Variants in TENM3 observed in about 807,000 individuals in gnomAD.
TENM3 encodes teneurin transmembrane protein 3, also known as teneurin-3.
TENM3 carries 63 observed loss-of-function variants against 255.1 expected under a neutral mutation model. The observed-to-expected ratio is 0.25, with a 90% CI of 0.20 to 0.30. TENM3 has a LOEUF of 0.30. Ranked by LOEUF, TENM3 falls within the 10% of genes least tolerant of loss-of-function variation. The pLI is 1.00. For synonymous variants in TENM3, 1,306 were observed against 1,322.3 expected, an observed-to-expected ratio of 0.99 and a Z score of 0.27; for missense variants, 2,929 against 3,461.1, an observed-to-expected ratio of 0.85 and a Z score of 3.86.
intron 24 of TENM3, among the ~76,000 whole-genome samples, chr4:182,787,299 G>C (rs997427203): frequency 6.6e-6 from 1 of 152,214 alleles, no homozygotes; most frequent in African/African-American, 2.4e-5. Context: ...GGGGTTGAAA[G>C]CCAAGGTCAG....
chr4:181,564,628 C>G, the TENM3 span, among the ~76,000 whole-genome samples: 4,358 of 152,258 alleles, frequency 0.029, 66 homozygotes, highest in Non-Finnish European at 0.044. Flanking sequence ...TTCGTCAAAA[C>G]ATCCTCCTTC....
the TENM3 span, among the ~76,000 whole-genome samples, chr4:181,610,143 G>T: frequency 6.6e-6 from 1 of 152,286 alleles, no homozygotes; most frequent in African/African-American, 2.4e-5. Flanking sequence ...AAATGGAGAC[G>T]AACCACATCA....
chr4:181,826,650 TTTG>T, the TENM3 span, among the ~76,000 whole-genome samples: 2 of 152,258 alleles, frequency 1.3e-5, no homozygotes, highest in African/African-American at 4.8e-5. Flanking sequence ...CAACCAGCGT[TTTG>T]TTGATTATTA....
intron 1 of TENM3, among the ~76,000 whole-genome samples, chr4:182,153,357 A>C (rs1381111117): frequency 6.6e-6 from 1 of 152,134 alleles, no homozygotes; most frequent in Non-Finnish European, 1.5e-5. Flanking sequence ...TGAATGATAC[A>C]TCTTTAGTCA....
the TENM3 span, among the ~76,000 whole-genome samples, chr4:181,581,639 T>G: frequency 6.6e-6 from 1 of 152,114 alleles, no homozygotes; most frequent in Non-Finnish European, 1.5e-5. Context: ...CATTGGCTCC[T>G]CAGTAGAACC....
chr4:181,969,888 G>A, the TENM3 span, among the ~76,000 whole-genome samples: 4 of 152,284 alleles, frequency 2.6e-5, no homozygotes, highest in East Asian at 5.8e-4. Flanking sequence ...ATTCGTTAAC[G>A]TGTTAACTGA....
At chr4:182,059,617 T>C in the TENM3 span, among the ~76,000 whole-genome samples, 1 of 151,948 alleles carries the variant, frequency 6.6e-6, no homozygotes. Context: ...TCCTTAAGAA[T>C]AGTCTGTGGA....
At chr4:181,769,918 A>G in the TENM3 span, among the ~76,000 whole-genome samples, 8,756 of 152,304 alleles carry the variant, frequency 0.057, 275 homozygotes, top group Middle Eastern at 0.13. Context: ...AGGGGAAAGC[A>G]TGTCATGTAT....
the TENM3 span, among the ~76,000 whole-genome samples, chr4:182,065,046 T>A: frequency 3.3e-5 from 5 of 151,596 alleles, no homozygotes; most frequent in Non-Finnish European, 7.4e-5. Flanking sequence ...TTTTTTTTTT[T>A]TTTTTCGAGA....
At chr4:181,993,448 A>G in the TENM3 span, among the ~76,000 whole-genome samples, 2 of 152,176 alleles carry the variant, frequency 1.3e-5, no homozygotes, top group African/African-American at 4.8e-5. Context: ...AGCAACTTCT[A>G]TCTACTTATT....
chr4:181,640,599 C>T, the TENM3 span, among the ~76,000 whole-genome samples: 2 of 152,202 alleles, frequency 1.3e-5, no homozygotes, highest in Non-Finnish European at 2.9e-5. Flanking sequence ...CCAGCATTTT[C>T]CCTTGCTGCA....
chr4:182,291,816 G>C, intron 1 of TENM3, among the ~76,000 whole-genome samples: 1 of 152,084 alleles, frequency 6.6e-6, no homozygotes, highest in East Asian at 1.9e-4. Flanking sequence ...AGCCCAGTGG[G>C]GTCGCGTTCC....
intron 3 of TENM3, among the ~76,000 whole-genome samples, chr4:182,507,660 A>G (rs1736979117): frequency 6.6e-6 from 1 of 152,230 alleles, no homozygotes; most frequent in African/African-American, 2.4e-5. Context: ...AGAGGTTTAT[A>G]AATTTTCAAC....
At chr4:181,926,297 A>G in the TENM3 span, among the ~76,000 whole-genome samples, 1 of 152,224 alleles carries the variant, frequency 6.6e-6, no homozygotes, top group Non-Finnish European at 1.5e-5. Context: ...TAGATGAAAT[A>G]TATCAGGCAA....
At chr4:182,236,581 A>T (rs1406494535) in intron 1 of TENM3, among the ~76,000 whole-genome samples, 1 of 152,186 alleles carries the variant, frequency 6.6e-6, no homozygotes, top group Non-Finnish European at 1.5e-5. Flanking sequence ...ACGTTAAATA[A>T]TTTAATGGGA....
At chr4:182,140,346 A>C (rs968733736), upstream of TENM3, among the ~76,000 whole-genome samples, 3 of 152,162 alleles carry the variant, frequency 2.0e-5, no homozygotes, top group Middle Eastern at 3.4e-3. Flanking sequence ...CCTTTTGGGC[A>C]TATGTGGGTT....
At chr4:181,673,799 T>C in the TENM3 span, among the ~76,000 whole-genome samples, 1 of 152,042 alleles carries the variant, frequency 6.6e-6, no homozygotes, top group African/African-American at 2.4e-5. Context: ...CATAGGGAGA[T>C]TTTGATACGA....
chr4:182,608,798 G>A (rs1748683763), intron 4 of TENM3, among the ~76,000 whole-genome samples: 1 of 152,138 alleles, frequency 6.6e-6, no homozygotes, highest in Admixed American at 6.5e-5. Context: ...CGGTCCTGCT[G>A]CAGGGGTCCT....
the TENM3 span, among the ~76,000 whole-genome samples, chr4:181,612,979 A>C: frequency 6.6e-6 from 1 of 152,214 alleles, no homozygotes; most frequent in Non-Finnish European, 1.5e-5. Flanking sequence ...CCTTTTTAAT[A>C]GGTCTTAAGT....
Sources: allele counts gnomAD v4.1 joint callset (sites outside exome capture counted in the v4.1 genomes callset), GRCh38; gene constraint gnomAD v4.1.1; transcripts MANE v1.5; gene names NCBI Gene and HGNC (gene_info 2026-07-23, HGNC 2026-07-21).